PANK3: variants seen among roughly 807,000 people sequenced by gnomAD.
PANK3 encodes pantothenate kinase 3.
A neutral mutation model predicts 39.4 loss-of-function variants in PANK3; 20 were observed. That is an observed-to-expected ratio of 0.51 (90% CI 0.36 to 0.74). PANK3 has a LOEUF of 0.74. PANK3 is among the 30% of genes least tolerant of loss of function. The pLI is 0.00. For synonymous variants in PANK3, 140 were observed against 157.3 expected, an observed-to-expected ratio of 0.89 and a Z score of 0.82; for missense variants, 265 against 437.0, an observed-to-expected ratio of 0.61 and a Z score of 3.51.
In PANK3 at chr5:168,552,815, TATAG is replaced by T. The variant is rs1759293925; in HGVS notation, c.*4752_*4755del. The T allele has an allele frequency of 1.1e-5, 2 of 185,898 alleles. No individual in the cohort carries two copies. The highest frequency in any genetic ancestry group is 4.8e-5 in the African/African-American group (2 of 41,930). The allele number at this position is 185,898 out of a possible 1,614,324, so 11.5% of individuals were successfully genotyped here. A position where few individuals can be genotyped will look rare whatever the true frequency, so the allele number is the denominator to read the frequency against. On this transcript the variant is annotated 3_prime_UTR_variant, in exon 7 of 7. Coordinates refer to ENST00000239231, the MANE Select transcript of PANK3 (RefSeq NM_024594.4). Reference sequence around the variant, plus strand: ...AATATTAACCACTCCTGCACTAATCTATAGATTGGCTTCTCAACACCTGCATCCT... The same window carrying T: ...AATATTAACCACTCCTGCACTAATCTATTGGCTTCTCAACACCTGCATCCT...
At chr5:168,570,496 G>A (rs980814422) in intron 1 of PANK3, among the ~76,000 whole-genome samples, 1 of 151,788 alleles carries the variant, frequency 6.6e-6, no homozygotes, top group African/African-American at 2.4e-5. Flanking sequence ...AGCGCTCAAT[G>A]TAGCAGGGGA....
chr5:168,552,883 CCAGAGAG>C lies in PANK3; in HGVS notation c.*4681_*4687del, dbSNP rs1582458472. 1.0e-5 allele frequency: 2 copies of C among 196,732 alleles called. No individual in the cohort carries two copies. Among genetic ancestry groups the C allele is most frequent in the East Asian group, 3.1e-4 (2 of 6,380 alleles). The allele number at this position is 196,732 out of a possible 1,614,324, so 12.2% of individuals were successfully genotyped here. ...TGAGTAATAGAAGACAACATTGATT[CCAGAGAG>C]CTACTGAGAGAGCTGGAGCATGATG... is the stretch of plus-strand genomic sequence containing the variant. On this transcript the variant is annotated 3_prime_UTR_variant, in exon 7 of 7. Transcript: ENST00000239231.
chr5:168,565,870 T>TAC, intron 3 of PANK3, 143 bp downstream of exon 3: 1 of 88,538 alleles, frequency 1.1e-5, no homozygotes, highest in African/African-American at 4.9e-5. Flanking sequence ...AAAAAAAAAA[T>TAC]ATATATATAT....
chr5:168,574,961 T>A (rs1341594324), intron 1 of PANK3, among the ~76,000 whole-genome samples: 1 of 151,996 alleles, frequency 6.6e-6, no homozygotes, highest in African/African-American at 2.4e-5. Flanking sequence ...GAAAAGTAGG[T>A]CATCAGTGCA....
At chr5:168,575,718 C>T (rs1411034793) in intron 1 of PANK3, among the ~76,000 whole-genome samples, 1 of 151,656 alleles carries the variant, frequency 6.6e-6, no homozygotes, top group Non-Finnish European at 1.5e-5. Context: ...CCTGGCATGC[C>T]AAGGTTGCAG....
rs1759231896 is a variant in PANK3, at chr5:168,548,804, A to T, written c.*8767T>A. On this transcript the variant is annotated 3_prime_UTR_variant, in exon 7 of 7. Transcript: ENST00000239231. ...GTAATTTACAAGAAATGTTTTACAG[A>T]TTACAATAGGCTATAACTTAGTTTA... 2 of 152,256 alleles carry T rather than the reference A, an allele frequency of 1.3e-5. No homozygotes were observed. Among genetic ancestry groups the T allele is most frequent in the South Asian group, 4.1e-4 (2 of 4,834 alleles). 9.4% of individuals were successfully genotyped at this position (152,256 alleles called of 1,614,324 possible). A position where few individuals can be genotyped will look rare whatever the true frequency, so the allele number is the denominator to read the frequency against.
chr5:168,556,471 C>G lies in PANK3; in HGVS notation c.*1100G>C, dbSNP rs1759352450. 1 of 152,346 alleles carries G rather than the reference C, an allele frequency of 6.6e-6. No individual in the cohort carries two copies. The highest frequency in any genetic ancestry group is 6.5e-5 in the Admixed American group (1 of 15,284). 9.4% of individuals were successfully genotyped at this position (152,346 alleles called of 1,614,324 possible). On this transcript the variant is annotated 3_prime_UTR_variant, in exon 7 of 7. Coordinates refer to ENST00000239231, the MANE Select transcript of PANK3 (RefSeq NM_024594.4). ...TTCCCTCCTAGGTTCTTACACATTTCAAACCCTTGCCAATAACAGTATTTT... is the reference window on the plus strand; with the variant it reads ...TTCCCTCCTAGGTTCTTACACATTTGAAACCCTTGCCAATAACAGTATTTT...
intron 1 of PANK3, among the ~76,000 whole-genome samples, chr5:168,575,979 CATTTCACT>C (rs1322324486): frequency 6.6e-6 from 1 of 152,174 alleles, no homozygotes. Flanking sequence ...CTGGATAAGA[CATTTCACT>C]ATTCTCAATA....
intron 5 of PANK3, 135 bp downstream of exon 5, chr5:168,561,258 G>T: frequency 1.6e-6 from 1 of 640,298 alleles, no homozygotes; most frequent in Admixed American, 3.1e-5. Flanking sequence ...TATACCTAAT[G>T]AGTCTTGGCA....
chr5:168,558,996 C>T (rs758684267), intron 6 of PANK3, 36 bp downstream of exon 6: 3 of 1,585,780 alleles, frequency 1.9e-6, no homozygotes, highest in Non-Finnish European at 2.6e-6. Context: ...AAAAAACATG[C>T]TATTAAAATT....
chr5:168,550,213 GT>G lies in PANK3; in HGVS notation c.*7357del, dbSNP rs1759255206. Reference sequence around the variant, plus strand: ...TATTAAACACTTCATTATAAAATAGGTTTTGTATTAGATGATTTTGCCCAGC... The same window carrying G: ...TATTAAACACTTCATTATAAAATAGGTTTGTATTAGATGATTTTGCCCAGC... On this transcript the variant is annotated 3_prime_UTR_variant, in exon 7 of 7. Transcript: ENST00000239231. 6.6e-6 allele frequency: 1 copy of G among 152,114 alleles called. No homozygotes were observed. The highest frequency in any genetic ancestry group is 6.6e-5 in the Admixed American group (1 of 15,266). 9.4% of individuals were successfully genotyped at this position (152,114 alleles called of 1,614,324 possible). A position where few individuals can be genotyped will look rare whatever the true frequency, so the allele number is the denominator to read the frequency against.
At position 168,552,106 on chromosome 5, in the gene PANK3, A is replaced by G. The variant is rs1759280778; in HGVS notation, c.*5465T>C. 1 of 152,226 alleles carries G rather than the reference A, an allele frequency of 6.6e-6. No homozygotes were observed. The highest frequency in any genetic ancestry group is 2.4e-5 in the African/African-American group (1 of 41,452). 9.4% of individuals were successfully genotyped at this position (152,226 alleles called of 1,614,324 possible). On this transcript the variant is annotated 3_prime_UTR_variant, in exon 7 of 7. Transcript: ENST00000239231. ...CCTTGTGTTGTTTGCCTAGCCTCAC[A>G]GCAAACTGACAGTGGTTGCATTTGA... is the stretch of plus-strand genomic sequence containing the variant.
intron 5 of PANK3, among the ~76,000 whole-genome samples, chr5:168,560,527 AAT>A (rs796441198): frequency 1.7e-4 from 26 of 152,296 alleles, no homozygotes; most frequent in African/African-American, 6.3e-4. Context: ...CAATTTACTT[AAT>A]ATGTCACTAG....
In PANK3 at chr5:168,554,995, T is replaced by TTCCCATATGTAGATTCATAA. The variant is rs1425197813; in HGVS notation, c.*2575_*2576insTTATGAATCTACATATGGGA. 6.6e-6 allele frequency: 1 copy of TTCCCATATGTAGATTCATAA among 152,246 alleles called. No individual in the cohort carries two copies. Among genetic ancestry groups the TTCCCATATGTAGATTCATAA allele is most frequent in the Non-Finnish European group, 1.5e-5 (1 of 68,040 alleles). The allele number at this position is 152,246 out of a possible 1,614,324, so 9.4% of individuals were successfully genotyped here. ...TCTCACCACTGTGGCTCTTTAGCTT[T>TTCCCATATGTAGATTCATAA]TCCCATATGTAATCTAGAGGTACTG... On this transcript the variant is annotated 3_prime_UTR_variant, in exon 7 of 7. Coordinates refer to ENST00000239231, the MANE Select transcript of PANK3 (RefSeq NM_024594.4).
chr5:168,558,207 T>C (rs1370448305), intron 6 of PANK3, among the ~76,000 whole-genome samples: 1 of 148,156 alleles, frequency 6.7e-6, no homozygotes, highest in East Asian at 2.0e-4. Flanking sequence ...CTGGAGTGGC[T>C]GGAGTGCAGT....
chr5:168,578,444 C>T (rs1178884192), intron 1 of PANK3, among the ~76,000 whole-genome samples: 1 of 152,192 alleles, frequency 6.6e-6, no homozygotes, highest in Non-Finnish European at 1.5e-5. Flanking sequence ...TCCCCACGTT[C>T]CTAGTCCTTC....
At chr5:168,571,814 G>A (rs1221618843) in intron 1 of PANK3, among the ~76,000 whole-genome samples, 5 of 152,078 alleles carry the variant, frequency 3.3e-5, no homozygotes, top group Admixed American at 3.3e-4. Context: ...TTCTTTTGGA[G>A]AAATAGCTCG....
At chr5:168,579,181 C>A in intron 1 of PANK3, 75 bp downstream of exon 1, 1 of 1,357,436 alleles carries the variant, frequency 7.4e-7, no homozygotes. Context: ...TGGAAGCCGA[C>A]CGCCCAGCCA....
chr5:168,549,238 TTC>T lies in PANK3; in HGVS notation c.*8331_*8332del, dbSNP rs1399472875. The T allele has an allele frequency of 3.3e-5, 5 of 152,180 alleles. No individual in the cohort carries two copies. Among genetic ancestry groups the T allele is most frequent in the East Asian group, 1.9e-4 (1 of 5,194 alleles). The allele number at this position is 152,180 out of a possible 1,614,324, so 9.4% of individuals were successfully genotyped here. On this transcript the variant is annotated 3_prime_UTR_variant, in exon 7 of 7. Transcript: ENST00000239231. ...TTGGTGTTACTTCTATAAAGTTACC[TTC>T]TGTTTCTAAATGCTGTAAACTAAAC...
Sources: allele counts gnomAD v4.1 joint callset (sites outside exome capture counted in the v4.1 genomes callset), GRCh38; gene constraint gnomAD v4.1.1; transcripts MANE v1.5; gene names NCBI Gene and HGNC (gene_info 2026-07-23, HGNC 2026-07-21).